Variants in CPNE4 observed in about 807,000 individuals in gnomAD.
The protein encoded by CPNE4 is copine 4.
Under a neutral mutation model 67.9 loss-of-function variants are expected in CPNE4, and 25 were observed. The observed-to-expected ratio is 0.37, with a 90% confidence interval of 0.27 to 0.51. The LOEUF is 0.51. CPNE4 is among the 20% of genes least tolerant of loss of function. The probability of loss-of-function intolerance (pLI) is 0.93; values close to 1 mark genes in which losing one functional copy is unlikely to be tolerated. For missense variants in CPNE4, 464 were observed against 690.8 expected (o/e 0.67, Z 3.68); for synonymous variants, 242 against 244.9 (o/e 0.99, Z 0.11).
At chr3:131,767,094 A>G (rs2083038552) in intron 2 of CPNE4, among the ~76,000 whole-genome samples, 1 of 152,234 alleles carries the variant, frequency 6.6e-6, no homozygotes, top group African/African-American at 2.4e-5. Context: ...AAATCATAAC[A>G]GAAACGTTGA....
At chr3:131,640,023 C>A (rs1379706493) in intron 7 of CPNE4, among the ~76,000 whole-genome samples, 1 of 152,110 alleles carries the variant, frequency 6.6e-6, no homozygotes, top group Non-Finnish European at 1.5e-5. Flanking sequence ...GTAATAAAAG[C>A]CATCTATGAC....
intron 1 of CPNE4, among the ~76,000 whole-genome samples, chr3:131,919,155 T>G (rs1174750004): frequency 2.0e-5 from 3 of 152,194 alleles, no homozygotes; most frequent in African/African-American, 4.8e-5. Context: ...GACCTTCAGA[T>G]AGTCAACTGA....
intron 1 of CPNE4, among the ~76,000 whole-genome samples, chr3:131,973,800 T>C (rs546696881): frequency 1.6e-4 from 25 of 152,366 alleles, no homozygotes; most frequent in African/African-American, 6.0e-4. Flanking sequence ...TTTGTTTATC[T>C]ACTTAACTAT....
At chr3:131,919,931 A>C (rs2070696383) in intron 1 of CPNE4, among the ~76,000 whole-genome samples, 1 of 152,212 alleles carries the variant, frequency 6.6e-6, no homozygotes, top group African/African-American at 2.4e-5. Context: ...GCAAAAGCTA[A>C]GGAAACAAAC....
At chr3:131,910,003 A>C (rs1360738242) in intron 1 of CPNE4, among the ~76,000 whole-genome samples, 1 of 152,148 alleles carries the variant, frequency 6.6e-6, no homozygotes, top group Non-Finnish European at 1.5e-5. Flanking sequence ...ATAATCAAAT[A>C]AATATTTGAT....
intron 11 of CPNE4, among the ~76,000 whole-genome samples, 199 bp downstream of exon 11, chr3:131,564,017 G>T (rs948351755): frequency 1.3e-5 from 2 of 152,058 alleles, no homozygotes; most frequent in East Asian, 1.9e-4. Flanking sequence ...GAGAGAAGAA[G>T]GCTGAGAAAG....
Position 131,827,569 on chromosome 3 carries a change from T to C in CPNE4, c.180+77695A>G, listed in dbSNP as rs188980394. On this transcript the variant is annotated intron_variant, in intron 2 of 15. Transcript: ENST00000429747. The stretch of plus-strand genomic sequence containing the variant: ...CCCATAATGCAAAAAACCTGCAAAA[T>C]AGAGCAGAGTGAATCAAATTCACTA... 1.2e-4 allele frequency among the ~76,000 whole-genome samples: 18 copies of C among 152,146 alleles called. No homozygotes were observed. In the East Asian group the frequency reaches 3.5e-3, roughly 29 times the overall value.
chr3:131,950,629 C>T (rs983951589), intron 1 of CPNE4, among the ~76,000 whole-genome samples: 4 of 152,216 alleles, frequency 2.6e-5, no homozygotes, highest in South Asian at 4.2e-4. Context: ...GATAAGTTTT[C>T]GAAAGCAGGC....
intron 2 of CPNE4, among the ~76,000 whole-genome samples, chr3:131,881,225 G>A (rs1232062273): frequency 3.3e-5 from 5 of 152,180 alleles, no homozygotes; most frequent in African/African-American, 1.2e-4. Flanking sequence ...TGGTTAAAAT[G>A]AGTGATTGCT....
intron 1 of CPNE4, among the ~76,000 whole-genome samples, chr3:132,006,820 G>C (rs1339949658): frequency 6.6e-6 from 1 of 152,072 alleles, no homozygotes; most frequent in African/African-American, 2.4e-5. Flanking sequence ...AGCAGGATTT[G>C]TTATTTCACA....
chr3:131,960,983 T>A (rs1447372571), intron 1 of CPNE4, among the ~76,000 whole-genome samples: 7 of 152,166 alleles, frequency 4.6e-5, no homozygotes, highest in African/African-American at 1.7e-4. Flanking sequence ...GCATACAAGC[T>A]TGGTCCTATA....
chr3:132,021,622 A>G (rs1166446155), intron 1 of CPNE4, among the ~76,000 whole-genome samples: 1 of 152,208 alleles, frequency 6.6e-6, no homozygotes, highest in East Asian at 1.9e-4. Flanking sequence ...TTATGAAAAA[A>G]GTGTGCATAC....
At chr3:131,542,954 G>C in intron 14 of CPNE4, 161 bp from the exon 15 acceptor site, 1 of 597,920 alleles carries the variant, frequency 1.7e-6, no homozygotes. Flanking sequence ...TAAAGGCTTA[G>C]GGTTCTGATG....
intron 2 of CPNE4, among the ~76,000 whole-genome samples, chr3:131,855,623 C>T (rs764026545): frequency 6.6e-5 from 10 of 151,928 alleles, no homozygotes; most frequent in Admixed American, 1.3e-4. Flanking sequence ...TCATTCCTTG[C>T]ACAGTTAGGT....
At chr3:131,685,639 C>T (rs889801053) in intron 6 of CPNE4, among the ~76,000 whole-genome samples, 2 of 151,988 alleles carry the variant, frequency 1.3e-5, no homozygotes, top group Non-Finnish European at 2.9e-5. Context: ...AAAATTAGCT[C>T]GGCGTGGTGG....
intron 2 of CPNE4, among the ~76,000 whole-genome samples, chr3:131,724,693 G>T (rs1217824584): frequency 6.6e-6 from 1 of 152,128 alleles, no homozygotes; most frequent in Non-Finnish European, 1.5e-5. Flanking sequence ...CCTCTCTCTT[G>T]TCCCTTCACA....
intron 1 of CPNE4, among the ~76,000 whole-genome samples, chr3:131,909,382 T>C (rs2088892761): frequency 6.6e-6 from 1 of 152,166 alleles, no homozygotes; most frequent in East Asian, 1.9e-4. Context: ...TCACATGTTA[T>C]GTGCAATTCA....
chr3:131,993,210 A>G lies in CPNE4; in HGVS notation c.-2+41357T>C, dbSNP rs747694210. Reference sequence around the variant, plus strand: ...CGTTCTGTTCTCTATCACTTCACTCATGAAAGTATCACAAGTGGCACTAAC... The same window carrying G: ...CGTTCTGTTCTCTATCACTTCACTCGTGAAAGTATCACAAGTGGCACTAAC... On this transcript the variant is annotated intron_variant, in intron 1 of 15. Transcript: ENST00000429747. Among the ~76,000 whole-genome samples, 6 of 135,592 alleles carry G rather than the reference A, an allele frequency of 4.4e-5. 2 individuals carry two copies. Among genetic ancestry groups the G allele is most frequent in the Admixed American group, 2.5e-4 (3 of 11,924 alleles). 89.0% of individuals were successfully genotyped at this position (135,592 alleles called of 152,430 possible).
intron 1 of CPNE4, among the ~76,000 whole-genome samples, chr3:131,921,559 C>G (rs2070740441): frequency 6.6e-6 from 1 of 152,132 alleles, no homozygotes; most frequent in Non-Finnish European, 1.5e-5. Flanking sequence ...AATGTATAGG[C>G]TTTTTTAATC....
Sources: gnomAD v4.1 joint callset for allele counts (sites outside exome capture counted in the v4.1 genomes callset) on GRCh38, gnomAD v4.1.1 for gene constraint, MANE v1.5 for transcripts, NCBI Gene and HGNC (gene_info 2026-07-23, HGNC 2026-07-21) for gene names.